The following ASAP2 variants were observed in gnomAD, a reference collection of about 807,000 sequenced individuals.
ASAP2 encodes the protein arf-GAP with SH3 domain, ANK repeat and PH domain-containing protein 2.
Under a neutral mutation model 131.4 loss-of-function variants are expected in ASAP2, and 45 were observed. The observed-to-expected ratio is 0.34, with a 90% CI of 0.27 to 0.44. The LOEUF (loss-of-function observed/expected upper bound fraction) is 0.44, where lower values mean the gene tolerates loss of function less well. Among genes scored for constraint, ASAP2 ranks in the 20% least tolerant of loss-of-function variants. The pLI is 1.00. For missense variants in ASAP2, 1,011 were observed against 1,297.0 expected (o/e 0.78, Z 3.39); for synonymous variants, 510 against 503.0 (o/e 1.01, Z -0.19).
rs1239919043 is a variant in ASAP2 at position 9,297,310 on chromosome 2, A to G, written c.210A>G (p.Glu70=). Reference sequence around the variant, plus strand: ...GTCATTCTGTTGCAGCTCACGTGGAAAATGAAGAGCAGTACACCCAGGCTC... The same window carrying G: ...GTCATTCTGTTGCAGCTCACGTGGAGAATGAAGAGCAGTACACCCAGGCTC... The part of the protein sequence containing the change: ...AINSSGLAHV[E]NEEQYTQALE... The change falls in exon 3 of 28, where the codon GAA becomes GAG. Residue 70 remains glutamate (E), a synonymous_variant. Coordinates refer to ENST00000281419, the MANE Select transcript of ASAP2 (RefSeq NM_003887.3). The G allele has an allele frequency of 6.2e-7, 1 of 1,613,514 alleles. No individual in the cohort carries two copies. The highest frequency in any genetic ancestry group is 8.5e-7 in the Non-Finnish European group (1 of 1,179,596).
At chr2:9,211,121 C>T (rs989356644) in intron 1 of ASAP2, among the ~76,000 whole-genome samples, 1 of 151,418 alleles carries the variant, frequency 6.6e-6, no homozygotes, top group African/African-American at 2.4e-5. Flanking sequence ...TGCCATTGCA[C>T]TCCAGCCTGG....
intron 1 of ASAP2, among the ~76,000 whole-genome samples, chr2:9,237,753 G>A (rs1245515239): frequency 6.6e-6 from 1 of 152,056 alleles, no homozygotes; most frequent in East Asian, 1.9e-4. Flanking sequence ...TGAGCGACCA[G>A]GAGACTGAGT....
At chr2:9,399,460 T>G (rs549133952) in intron 24 of ASAP2, 2 of 153,284 alleles carry the variant, frequency 1.3e-5, no homozygotes, top group South Asian at 4.1e-4. Flanking sequence ...GGGACCCCTC[T>G]CTGCCAGCCC....
At chr2:9,375,080 G>GGCA (rs1674290272) in intron 17 of ASAP2, 136 bp downstream of exon 17, 3 of 583,564 alleles carry the variant, frequency 5.1e-6, no homozygotes, top group Non-Finnish European at 8.0e-6. Context: ...GATCAGCCTG[G>GGCA]GCACCATAGG....
chr2:9,221,409 C>G (rs1327735861), intron 1 of ASAP2, among the ~76,000 whole-genome samples: 1 of 150,846 alleles, frequency 6.6e-6, no homozygotes, highest in African/African-American at 2.4e-5. Context: ...GCAACATTGG[C>G]CTCCCAAAGT....
At position 9,385,253 on chromosome 2, in the gene ASAP2, A is replaced by G. The variant is rs1168715150; in HGVS notation, c.2025A>G (p.Gln675=). 2.5e-6 allele frequency: 4 copies of G among 1,613,478 alleles called. No individual in the cohort carries two copies. The highest frequency in any genetic ancestry group is 3.4e-6 in the Non-Finnish European group (4 of 1,179,352). ...KHEHCEELLT[Q]ALSGRFNSHV... The stretch of plus-strand genomic sequence containing the variant: ...TCCCTCTGTTCTCTCAGCTGACCCA[A>G]GCCTTATCTGGAAGATTTAATTCTC... The change falls in exon 21 of 28, where the codon CAA becomes CAG. Residue 675 remains glutamine (Q), a synonymous_variant. Coordinates refer to ENST00000281419, the MANE Select transcript of ASAP2 (RefSeq NM_003887.3).
intron 1 of ASAP2, among the ~76,000 whole-genome samples, chr2:9,242,997 A>G (rs1664086162): frequency 6.6e-6 from 1 of 152,196 alleles, no homozygotes; most frequent in South Asian, 2.1e-4. Flanking sequence ...ACCCTGCATG[A>G]TGGCTTTAAG....
intron 3 of ASAP2, among the ~76,000 whole-genome samples, chr2:9,308,155 A>G (rs1391276846): frequency 1.3e-5 from 2 of 152,214 alleles, no homozygotes; most frequent in Non-Finnish European, 2.9e-5. Flanking sequence ...TATATAACAT[A>G]TGTTTAATTG....
intron 2 of ASAP2, among the ~76,000 whole-genome samples, chr2:9,293,397 T>TA (rs1667941551): frequency 6.6e-6 from 1 of 152,152 alleles, no homozygotes; most frequent in African/African-American, 2.4e-5. Flanking sequence ...TAATGAGAAT[T>TA]AGAGTTTAAG....
intron 1 of ASAP2, among the ~76,000 whole-genome samples, chr2:9,216,541 A>G (rs957981730): frequency 6.7e-6 from 1 of 148,310 alleles, no homozygotes; most frequent in Admixed American, 6.8e-5. Flanking sequence ...GCTCACTGCA[A>G]TCTCTGCCTC....
Position 9,302,824 on chromosome 2 carries a change from A to G in ASAP2, c.345+5379A>G, listed in dbSNP as rs144381151. On this transcript the variant is annotated intron_variant, in intron 3 of 27. Coordinates refer to ENST00000281419, the MANE Select transcript of ASAP2 (RefSeq NM_003887.3). The stretch of plus-strand genomic sequence containing the variant: ...GAGCCACCACGCCTGGTCAGAAGAC[A>G]TTATAGCTAACCTTACTAGGGAGGT... 5.5e-3 allele frequency among the ~76,000 whole-genome samples: 833 copies of G among 152,234 alleles called. 4 individuals carry two copies. The highest frequency in any genetic ancestry group is 8.8e-3 in the Non-Finnish European group (599 of 68,010).
rs1338183050 is a variant in ASAP2, at chr2:9,207,513, A to G, written c.126+283A>G. 1.3e-5 allele frequency among the ~76,000 whole-genome samples: 2 copies of G among 151,224 alleles called. No individual in the cohort carries two copies. The highest frequency in any genetic ancestry group is 3.0e-5 in the Non-Finnish European group (2 of 67,712). ...CCCCGCAGCGCGGCCAACTTTGTCCAGAGTCGGGGTCCGCGGCGAGCGGGG... is the reference window on the plus strand; with the variant it reads ...CCCCGCAGCGCGGCCAACTTTGTCCGGAGTCGGGGTCCGCGGCGAGCGGGG... On this transcript the variant is annotated intron_variant, in intron 1 of 27. Coordinates refer to ENST00000281419, the MANE Select transcript of ASAP2 (RefSeq NM_003887.3). The surrounding 1 kb of genome is among the most constrained non-coding windows in gnomAD (Gnocchi z 4.1).
chr2:9,327,433 T>G (rs1670551804), intron 6 of ASAP2, among the ~76,000 whole-genome samples: 1 of 152,208 alleles, frequency 6.6e-6, no homozygotes, highest in African/African-American at 2.4e-5. Flanking sequence ...ATGCCAAGCA[T>G]CTCAGCTACA....
intron 15 of ASAP2, among the ~76,000 whole-genome samples, chr2:9,361,670 C>T (rs1673089288): frequency 6.6e-6 from 1 of 152,052 alleles, no homozygotes; most frequent in African/African-American, 2.4e-5. Context: ...TGGGTTCAAG[C>T]AATCCTCCCA....
chr2:9,331,543 G>A (rs1192590123), intron 7 of ASAP2, among the ~76,000 whole-genome samples: 1 of 152,108 alleles, frequency 6.6e-6, no homozygotes, highest in African/African-American at 2.4e-5. Context: ...CAAGGGGGGC[G>A]GATCACCTGA....
intron 3 of ASAP2, among the ~76,000 whole-genome samples, chr2:9,304,112 C>G (rs1352448349): frequency 1.3e-5 from 2 of 152,168 alleles, no homozygotes; most frequent in Admixed American, 1.3e-4. Context: ...ACTCCCCGCC[C>G]TGAGCCCTGG....
rs189637521 is a variant in ASAP2 at position 9,225,618 on chromosome 2, G to A, written c.126+18388G>A. Among the ~76,000 whole-genome samples, 480 of 152,196 alleles carry A rather than the reference G, an allele frequency of 3.2e-3. 2 individuals are homozygous for A. Among genetic ancestry groups the A allele is most frequent in the Middle Eastern group, 0.02 (6 of 294 alleles). ...AGAAGGTTGTGGGGAAATATTAAGG[G>A]CTTTTGCGTAGGGGAGTGACATGAG... On this transcript the variant is annotated intron_variant, in intron 1 of 27. Coordinates refer to ENST00000281419, the MANE Select transcript of ASAP2 (RefSeq NM_003887.3).
At chr2:9,252,300 G>A (rs1219172463) in intron 1 of ASAP2, among the ~76,000 whole-genome samples, 1 of 152,232 alleles carries the variant, frequency 6.6e-6, no homozygotes, top group Non-Finnish European at 1.5e-5. Flanking sequence ...GGCCTTTGGG[G>A]CTGTGCGCAG....
At chr2:9,256,259 G>T in intron 1 of ASAP2, among the ~76,000 whole-genome samples, 1 of 152,132 alleles carries the variant, frequency 6.6e-6, no homozygotes. Flanking sequence ...CCAGCTTGGG[G>T]TGATGAAGAT....
Sources: allele counts gnomAD v4.1 joint callset (sites outside exome capture counted in the v4.1 genomes callset), GRCh38; gene constraint gnomAD v4.1.1; non-coding constraint Gnocchi (gnomAD v3.1); transcripts MANE v1.5; gene names NCBI Gene and HGNC (gene_info 2026-07-23, HGNC 2026-07-21).